Variants in ZFP82 observed in about 807,000 individuals in gnomAD.
ZFP82 encodes the protein zinc finger protein 82 homolog.
A neutral mutation model predicts 54.0 loss-of-function variants in ZFP82; 30 were observed. That is an observed-to-expected ratio of 0.56 (90% CI 0.42 to 0.75). The LOEUF is 0.75. Among genes scored for constraint, ZFP82 ranks in the 30% least tolerant of loss-of-function variants. The pLI is 0.00. For synonymous variants in ZFP82, 194 were observed against 209.5 expected (o/e 0.93, Z 0.64); for missense variants, 500 against 636.8 (o/e 0.79, Z 2.31).
At chr19:36,407,855 C>T (rs1158014743) in intron 3 of ZFP82, 32 bp downstream of exon 3, 3 of 1,603,246 alleles carry the variant, frequency 1.9e-6, no homozygotes, top group African/African-American at 1.3e-5. Flanking sequence ...ACAGAGAACA[C>T]AGTCTAAATT....
exon 2 of ZFP82, chr19:36,383,484 T>C (rs2032082496): frequency 6.6e-6 from 1 of 152,092 alleles, no homozygotes; most frequent in African/African-American, 2.4e-5. Flanking sequence ...AGAGTAAACA[T>C]TACACCAAGT....
At position 36,407,044 on chromosome 19, in the gene ZFP82, C is replaced by T. The variant is rs1250943828; in HGVS notation, c.136+843G>A. Among the ~76,000 whole-genome samples the T allele has an allele frequency of 2.6e-5, 4 of 150,978 alleles. No individual in the cohort carries two copies. The East Asian group carries it at 7.8e-4, about 29-fold the overall frequency. On this transcript the variant is annotated intron_variant, in intron 3 of 4. Transcript: ENST00000392161. The stretch of plus-strand genomic sequence containing the variant: ...ACTCATCTTGCTGTGCAATAAAACA[C>T]ATGAATACAAATCTTAGATTTTTAA...
Position 36,393,937 on chromosome 19 carries a change from C to T in ZFP82, c.403G>A (p.Glu135Lys), listed in dbSNP as rs2145580405. 1 of 1,614,180 alleles carries T rather than the reference C, an allele frequency of 6.2e-7. No homozygotes were observed. The highest frequency in any genetic ancestry group is 1.1e-5 in the South Asian group (1 of 91,080). ...ATTTTCACACTACTGAAGTATCCTT[C>T]TTGAGGTCTCTCCTGTCCTTCAATT... ...GKIEGQERPQEGYFSSVKMPS... is the reference protein window; with the variant it reads ...GKIEGQERPQKGYFSSVKMPS... The change falls in exon 5 of 5, where the codon GAA (glutamate) becomes AAA (lysine). Residue 135 changes from glutamate to lysine, a missense_variant. Glu to Lys is a moderately conservative substitution (Grantham distance 56). Coordinates refer to ENST00000392161, the MANE Select transcript of ZFP82 (RefSeq NM_133466.4).
At chr19:36,405,187 A>G (rs1198473582) in intron 4 of ZFP82, among the ~76,000 whole-genome samples, 3 of 19,832 alleles carry the variant, frequency 1.5e-4, no homozygotes, top group Non-Finnish European at 2.3e-4. Flanking sequence ...TGCATCTCAG[A>G]AAAAAAAAAA....
chr19:36,397,947 G>A (rs998781827), intron 4 of ZFP82, among the ~76,000 whole-genome samples: 1 of 152,162 alleles, frequency 6.6e-6, no homozygotes, highest in Non-Finnish European at 1.5e-5. Flanking sequence ...AGAGATAGAT[G>A]TTAATAAAAT....
rs887014708 is a variant in ZFP82, at chr19:36,403,523, G to A, written c.229+2057C>T. On this transcript the variant is annotated intron_variant, in intron 4 of 4. Coordinates refer to ENST00000392161, the MANE Select transcript of ZFP82 (RefSeq NM_133466.4). ...TAATCCCAGCTACTCCAGAGGCTGA[G>A]GCAGAGAACTGCTTAAACCTGGAGG... Among the ~76,000 whole-genome samples, 3 of 151,204 alleles carry A rather than the reference G, an allele frequency of 2.0e-5. No homozygotes were observed. In the East Asian group the frequency reaches 5.9e-4, roughly 30 times the overall value.
chr19:36,397,919 A>G (rs1400467717), intron 4 of ZFP82, among the ~76,000 whole-genome samples: 2 of 152,222 alleles, frequency 1.3e-5, no homozygotes, highest in Non-Finnish European at 2.9e-5. Context: ...AATATAATTT[A>G]TCAAAACTGA....
rs766754319 is a variant in ZFP82 at position 36,393,182 on chromosome 19, T to A, written c.1158A>T (p.Arg386Ser). Reference sequence around the variant, plus strand: ...CGTAAGGTTTTTCACCAGTATGAATTCTGTGATGGAGAATAAGATGATAAC... The same window carrying A: ...CGTAAGGTTTTTCACCAGTATGAATACTGTGATGGAGAATAAGATGATAAC... Reference protein sequence around the residue: ...SRGYHLILHHRIHTGEKPYEC... With the variant: ...SRGYHLILHHSIHTGEKPYEC... Residue 386 changes from arginine to serine, a missense_variant, in exon 5 of 5, where the codon AGA becomes AGT. By Grantham distance (110) the Arg-to-Ser change is moderately radical. Coordinates refer to ENST00000392161, the MANE Select transcript of ZFP82 (RefSeq NM_133466.4). 5 of 1,613,882 alleles carry A rather than the reference T, an allele frequency of 3.1e-6. No individual in the cohort carries two copies. Among genetic ancestry groups the A allele is most frequent in the Non-Finnish European group, 4.2e-6 (5 of 1,179,922 alleles).
At chr19:36,417,547 C>G (rs1261966469) in intron 1 of ZFP82, among the ~76,000 whole-genome samples, 1 of 152,146 alleles carries the variant, frequency 6.6e-6, no homozygotes, top group Non-Finnish European at 1.5e-5. Flanking sequence ...TCCTCCCGCT[C>G]GGACCCCTTT....
Position 36,405,497 on chromosome 19 carries a change from T to C in ZFP82, c.229+83A>G, listed in dbSNP as rs1039630012. On this transcript the variant is annotated intron_variant, in intron 4 of 4. Transcript: ENST00000392161. ...CCACAGACCTTTCAAGAGGGCTTTC[T>C]AAACAACATAAGGATGTGTCTCTTC... 8.7e-6 allele frequency: 9 copies of C among 1,033,438 alleles called. No homozygotes were observed. In the Admixed American group the frequency reaches 1.1e-4, roughly 13 times the overall value. 64.0% of individuals were successfully genotyped at this position (1,033,438 alleles called of 1,614,324 possible).
chr19:36,405,458 C>T, intron 4 of ZFP82, 122 bp downstream of exon 4: 1 of 621,096 alleles, frequency 1.6e-6, no homozygotes, highest in Non-Finnish European at 2.7e-6. Flanking sequence ...GGCCACAGAC[C>T]TTTCCTCCTT....
chr19:36,417,479 A>C (rs2032692480), intron 1 of ZFP82, among the ~76,000 whole-genome samples: 1 of 152,186 alleles, frequency 6.6e-6, no homozygotes, highest in African/African-American at 2.4e-5. Flanking sequence ...TCACAGAAGA[A>C]AGCAGAAACA....
downstream of ZFP82, among the ~76,000 whole-genome samples, chr19:36,385,878 T>C (rs1424957750): frequency 6.6e-6 from 1 of 152,198 alleles, no homozygotes; most frequent in Non-Finnish European, 1.5e-5. Flanking sequence ...ATGGCTTCTT[T>C]TAACTGCATA....
Position 36,396,332 on chromosome 19 carries a change from C to A in ZFP82, c.230-2222G>T, listed in dbSNP as rs1361251145. ...AGGAGTTCAAGACCAGTCAGGGCAA[C>A]ATGGCAAGACCTCATCTCTAAAAAT... On this transcript the variant is annotated intron_variant, in intron 4 of 4. Transcript: ENST00000392161. Among the ~76,000 whole-genome samples, 11 of 152,118 alleles carry A rather than the reference C, an allele frequency of 7.2e-5. 1 individual carries two copies. The highest frequency in any genetic ancestry group is 7.2e-4 in the Admixed American group (11 of 15,258).
chr19:36,397,898 T>G (rs1200345400), intron 4 of ZFP82, among the ~76,000 whole-genome samples: 9 of 152,140 alleles, frequency 5.9e-5, no homozygotes, highest in Middle Eastern at 3.2e-3. Context: ...AAATGGATAA[T>G]TTTTTAGAAA....
exon 2 of ZFP82, chr19:36,383,407 C>T (rs1421187730): frequency 1.3e-5 from 2 of 151,128 alleles, no homozygotes; most frequent in African/African-American, 4.8e-5. Flanking sequence ...GCAGATATTT[C>T]TAATAAAAAA....
Position 36,389,392 on chromosome 19 carries a change from T to C in ZFP82, c.*3349A>G, listed in dbSNP as rs893994063. Among the ~76,000 whole-genome samples the C allele has an allele frequency of 6.6e-6, 1 of 152,194 alleles. No individual in the cohort carries two copies. Among genetic ancestry groups the C allele is most frequent in the Non-Finnish European group, 1.5e-5 (1 of 68,034 alleles). On this transcript the variant is annotated 3_prime_UTR_variant, in exon 5 of 5. Coordinates refer to ENST00000392161, the MANE Select transcript of ZFP82 (RefSeq NM_133466.4). ...TATTATGGAAAATTTAAAATATATG[T>C]AAAGATAGTAAGAACGGCACAATGA...
downstream of ZFP82, chr19:36,384,345 T>TG (rs2145572437): frequency 6.6e-6 from 1 of 152,312 alleles, no homozygotes; most frequent in South Asian, 2.1e-4. Flanking sequence ...CAAAGCATGA[T>TG]GGGAGTTGCT....
intron 1 of ZFP82, among the ~76,000 whole-genome samples, chr19:36,417,971 G>A (rs1430758233): frequency 6.6e-6 from 1 of 152,020 alleles, no homozygotes; most frequent in East Asian, 1.9e-4. Context: ...GGAGAGTAGT[G>A]GTGCTATCAT....
Sources: gnomAD v4.1 joint callset for allele counts (sites outside exome capture counted in the v4.1 genomes callset) on GRCh38, gnomAD v4.1.1 for gene constraint, MANE v1.5 for transcripts, NCBI Gene and HGNC (gene_info 2026-07-23, HGNC 2026-07-21) for gene names.